CDADC1: variants seen among roughly 807,000 people sequenced by gnomAD.
The protein encoded by CDADC1 is dCTP deaminase.
CDADC1 carries 39 observed loss-of-function variants against 54.9 expected under a neutral mutation model. The ratio of observed to expected loss-of-function variants is 0.71; its 90% CI spans 0.55 to 0.93. CDADC1 has a LOEUF of 0.93. Ranked by LOEUF, CDADC1 falls within the 40% of genes least tolerant of loss-of-function variation. The pLI is 0.00. For synonymous variants in CDADC1, 186 were observed against 204.0 expected (o/e 0.91, Z 0.75); for missense variants, 518 against 618.8 (o/e 0.84, Z 1.73).
At chr13:49,258,480 C>T (rs1165452784) in intron 3 of CDADC1, among the ~76,000 whole-genome samples, 1 of 152,142 alleles carries the variant, frequency 6.6e-6, no homozygotes, top group African/African-American at 2.4e-5. Context: ...GTTATACCAG[C>T]TTTGATTAGT....
chr13:49,255,209 T>C (rs887272034), intron 2 of CDADC1, among the ~76,000 whole-genome samples: 1 of 152,212 alleles, frequency 6.6e-6, no homozygotes, highest in Non-Finnish European at 1.5e-5. Flanking sequence ...GTCAGGTCTT[T>C]CATGTTGCAT....
intron 2 of CDADC1, among the ~76,000 whole-genome samples, chr13:49,254,837 AGCAAGG>A (rs199502485): frequency 0.019 from 2,864 of 152,334 alleles, 37 homozygotes; most frequent in Non-Finnish European, 0.027. Flanking sequence ...GCTGTCATGT[AGCAAGG>A]GTTCAATAAG....
Position 49,278,456 on chromosome 13 carries a change from A to G in CDADC1, c.1157A>G (p.Lys386Arg). The change falls in exon 7 of 10, where the codon AAA becomes AGA. Residue 386 changes from lysine to arginine, a missense_variant. Physicochemically the swap from Lys to Arg is conservative, Grantham distance 26. Coordinates refer to ENST00000251108, the MANE Select transcript of CDADC1 (RefSeq NM_030911.4). ...TTCCCACACATGGATGACAAGCAGA[A>G]AGACAGAGAAATAAGGAAATTCAGA... is the stretch of plus-strand genomic sequence containing the variant. ...ADFPHMDDKQ[K>R]DREIRKFRYI... The G allele has an allele frequency of 1.2e-6, 2 of 1,603,372 alleles. No homozygotes were observed. The highest frequency in any genetic ancestry group is 1.7e-6 in the Non-Finnish European group (2 of 1,172,066).
At position 49,280,669 on chromosome 13, in the gene CDADC1, G is replaced by T. The variant is rs141697320; in HGVS notation, c.1381G>T (p.Gly461Trp). 49 of 1,587,370 alleles carry T rather than the reference G, an allele frequency of 3.1e-5. No individual in the cohort carries two copies. The highest frequency in any genetic ancestry group is 3.2e-5 in the Non-Finnish European group (37 of 1,169,998). Reference protein sequence around the residue: ...KKADISYMRFGELEGVSKFTW... With the variant: ...KKADISYMRFWELEGVSKFTW... ...GGCAGACATCTCTTACATGAGGTTC[G>T]GGGAGCTTGAAGGTGTTAGCAAATT... The change falls in exon 8 of 10, where the codon GGG becomes TGG. Residue 461 changes from glycine to tryptophan, a missense_variant. Coordinates refer to ENST00000251108, the MANE Select transcript of CDADC1 (RefSeq NM_030911.4).
rs1311992692 is a variant in CDADC1 at position 49,291,762 on chromosome 13, G to A, written c.*5G>A. On this transcript the variant is annotated 3_prime_UTR_variant, in exon 10 of 10. Coordinates refer to ENST00000251108, the MANE Select transcript of CDADC1 (RefSeq NM_030911.4). ...CTGCGCCTCGGAATCCACTAAGAAG[G>A]CCTGTCTACACTGCAGGGGAACCTC... The A allele has an allele frequency of 1.2e-6, 2 of 1,613,564 alleles. No individual in the cohort carries two copies. Among genetic ancestry groups the A allele is most frequent in the Admixed American group, 1.7e-5 (1 of 59,868 alleles).
At chr13:49,265,974 A>T (rs1434561770) in intron 4 of CDADC1, 1 of 1,299,410 alleles carries the variant, frequency 7.7e-7, no homozygotes, top group Non-Finnish European at 1.0e-6. Context: ...GGAAGGTGAA[A>T]TGCAACCGGA....
intron 4 of CDADC1, chr13:49,266,133 CTG>C (rs1952809603): frequency 8.9e-6 from 2 of 224,188 alleles, no homozygotes; most frequent in Non-Finnish European, 1.8e-5. Context: ...GTAGAACACT[CTG>C]TGGGCTCTCT....
In CDADC1 at chr13:49,247,967, G is replaced by A. The variant is rs1191141907; in HGVS notation, c.-71G>A. On this transcript the variant is annotated 5_prime_UTR_variant, in exon 1 of 10. Transcript: ENST00000251108. Reference sequence around the variant, plus strand: ...CAGTTGCTGAGAGGAGGCGAGAGGCGGGGGCGCTAGGGCCGAGATCATGTC... The same window carrying A: ...CAGTTGCTGAGAGGAGGCGAGAGGCAGGGGCGCTAGGGCCGAGATCATGTC... 7.2e-7 allele frequency: 1 copy of A among 1,388,742 alleles called. No homozygotes were observed. Among genetic ancestry groups the A allele is most frequent in the Non-Finnish European group, 1.0e-6 (1 of 1,001,056 alleles). The allele number at this position is 1,388,742 out of a possible 1,614,324, so 86.0% of individuals were successfully genotyped here. A position where few individuals can be genotyped will look rare whatever the true frequency, so the allele number is the denominator to read the frequency against.
At chr13:49,278,980 A>G (rs1383677257) in intron 7 of CDADC1, among the ~76,000 whole-genome samples, 2 of 152,218 alleles carry the variant, frequency 1.3e-5, no homozygotes, top group Non-Finnish European at 2.9e-5. Flanking sequence ...AGCCATTGTA[A>G]CATCACACGT....
intron 8 of CDADC1, among the ~76,000 whole-genome samples, chr13:49,284,693 C>T (rs770073478): frequency 1.5e-4 from 23 of 152,230 alleles, no homozygotes; most frequent in Non-Finnish European, 2.6e-4. Context: ...AAATAACCAA[C>T]CATTTCTAGA....
chr13:49,265,287 T>A (rs1952791256), intron 4 of CDADC1, among the ~76,000 whole-genome samples: 1 of 152,186 alleles, frequency 6.6e-6, no homozygotes, highest in Non-Finnish European at 1.5e-5. Flanking sequence ...CAGAACACAA[T>A]AAATGTGCAA....
At chr13:49,275,450 G>A (rs1274778244) in intron 6 of CDADC1, among the ~76,000 whole-genome samples, 1 of 150,872 alleles carries the variant, frequency 6.6e-6, no homozygotes, top group South Asian at 2.1e-4. Context: ...ATATCATCAG[G>A]CAGAGCAAGT....
At chr13:49,288,457 A>T (rs1409886715) in intron 9 of CDADC1, among the ~76,000 whole-genome samples, 1 of 151,744 alleles carries the variant, frequency 6.6e-6, no homozygotes, top group East Asian at 1.9e-4. Flanking sequence ...ATTTGCAGTC[A>T]CTCCCCATTC....
intron 5 of CDADC1, among the ~76,000 whole-genome samples, chr13:49,271,621 A>T (rs57680539): frequency 0.013 from 1,880 of 147,712 alleles, 24 homozygotes; most frequent in African/African-American, 0.038. Flanking sequence ...TTTTTTTTTT[A>T]AATTTTAAAA....
At chr13:49,270,867 C>T (rs1174970148) in intron 5 of CDADC1, among the ~76,000 whole-genome samples, 1 of 152,126 alleles carries the variant, frequency 6.6e-6, no homozygotes, top group African/African-American at 2.4e-5. Flanking sequence ...ATTGAGGGTA[C>T]TTCAGTAAGG....
chr13:49,288,465 T>G (rs1301178987), intron 9 of CDADC1, among the ~76,000 whole-genome samples: 2 of 152,176 alleles, frequency 1.3e-5, no homozygotes, highest in Non-Finnish European at 2.9e-5. Flanking sequence ...TCACTCCCCA[T>G]TCTTCACTCC....
At chr13:49,290,200 C>A (rs558824500) in intron 9 of CDADC1, among the ~76,000 whole-genome samples, 1 of 151,758 alleles carries the variant, frequency 6.6e-6, no homozygotes, top group South Asian at 2.1e-4. Context: ...AGAGAGGGAG[C>A]GCACGGGAAT....
chr13:49,248,448 T>C, intron 1 of CDADC1: 1 of 358,562 alleles, frequency 2.8e-6, no homozygotes, highest in Non-Finnish European at 5.1e-6. Flanking sequence ...TTTCCTGTAT[T>C]TCGACTGCTT....
Position 49,268,019 on chromosome 13 carries a change from G to A in CDADC1, c.960G>A (p.Arg320=). ...AAAGTTTGCCACAGGAAATTGCAAG[G>A]CACTGCATGGTTCAGGCCAGGTTAT... is the stretch of plus-strand genomic sequence containing the variant. ...HNQSLPQEIA[R]HCMVQARLLA... The change falls in exon 5 of 10, where the codon AGG becomes AGA. Residue 320 remains arginine (R), a synonymous_variant. Coordinates refer to ENST00000251108, the MANE Select transcript of CDADC1 (RefSeq NM_030911.4). 1 of 1,613,534 alleles carries A rather than the reference G, an allele frequency of 6.2e-7. No individual in the cohort carries two copies. Among genetic ancestry groups the A allele is most frequent in the South Asian group, 1.1e-5 (1 of 91,086 alleles).
Sources: gnomAD v4.1 joint callset for allele counts (sites outside exome capture counted in the v4.1 genomes callset) on GRCh38, gnomAD v4.1.1 for gene constraint, MANE v1.5 for transcripts, NCBI Gene and HGNC (gene_info 2026-07-23, HGNC 2026-07-21) for gene names.